The following MDN1 variants were observed in gnomAD, a reference collection of about 807,000 sequenced individuals.
MDN1 encodes the protein midasin AAA ATPase 1.
In MDN1, 266 loss-of-function variants were observed where a neutral mutation model predicts 669.2. The observed-to-expected ratio is 0.40, with a 90% CI of 0.36 to 0.44. MDN1 has a LOEUF of 0.44. MDN1 is among the 20% of genes least tolerant of loss of function. The probability of loss-of-function intolerance (pLI) is 1.00; values close to 1 mark genes in which losing one functional copy is unlikely to be tolerated. For synonymous variants in MDN1, 2,385 were observed against 2,457.1 expected (o/e 0.97, Z 0.87); for missense variants, 5,940 against 6,754.0 (o/e 0.88, Z 4.22).
At position 89,776,006 on chromosome 6, in the gene MDN1, A is replaced by G. The variant is rs192104457; in HGVS notation, c.1821+594T>C. On this transcript the variant is annotated intron_variant, in intron 12 of 101. Coordinates refer to ENST00000369393, the MANE Select transcript of MDN1 (RefSeq NM_014611.3). Reference sequence around the variant, plus strand: ...ACTCAGTCTCTTGCCAATTTTTCTAATAAGGGAAAATAATAAAAAAGATGG... The same window carrying G: ...ACTCAGTCTCTTGCCAATTTTTCTAGTAAGGGAAAATAATAAAAAAGATGG... Among the ~76,000 whole-genome samples, 318 of 152,252 alleles carry G rather than the reference A, an allele frequency of 2.1e-3. 1 individual carries two copies. Among genetic ancestry groups the G allele is most frequent in the African/African-American group, 7.4e-3 (309 of 41,542 alleles).
intron 33 of MDN1, among the ~76,000 whole-genome samples, chr6:89,736,141 T>C (rs1481798819): frequency 6.6e-6 from 1 of 152,226 alleles, no homozygotes; most frequent in Admixed American, 6.5e-5. Flanking sequence ...TTCTAGAAAA[T>C]ATAACTGCTG....
At chr6:89,789,340 C>G (rs17506403) in intron 7 of MDN1, among the ~76,000 whole-genome samples, 16,864 of 152,168 alleles carry the variant, frequency 0.11, 1,043 homozygotes, top group South Asian at 0.16. Context: ...AAGGCAAGCA[C>G]ACTCTTATTA....
In MDN1 at chr6:89,787,906, G is replaced by T. The variant is rs772699418; in HGVS notation, c.1282C>A (p.Arg428=). The change falls in exon 8 of 102, where the codon CGA becomes AGA. Residue 428 remains arginine, a synonymous_variant. Transcript: ENST00000369393. The part of the protein sequence containing the change: ...LENGELLIPG[R]GDCLKVAPGF... The stretch of plus-strand genomic sequence containing the variant: ...GGTGCCACTTTCAGACAGTCACCTC[G>T]GCCAGGAATCAAGAGCTCTCCATTC... 1 of 1,613,620 alleles carries T rather than the reference G, an allele frequency of 6.2e-7. No individual in the cohort carries two copies. The highest frequency in any genetic ancestry group is 1.7e-5 in the Admixed American group (1 of 59,954).
chr6:89,675,323 C>G, intron 78 of MDN1, 141 bp downstream of exon 78: 3 of 679,406 alleles, frequency 4.4e-6, no homozygotes, highest in Non-Finnish European at 7.4e-6. Context: ...CTGGGAGAAA[C>G]CCTACCTGCC....
intron 19 of MDN1, among the ~76,000 whole-genome samples, 157 bp downstream of exon 19, chr6:89,758,098 C>T (rs1007920466): frequency 6.6e-6 from 1 of 151,832 alleles, no homozygotes; most frequent in Non-Finnish European, 1.5e-5. Flanking sequence ...CCCATAATCC[C>T]GGCTATTCAG....
chr6:89,647,620 T>C (rs559031931), intron 99 of MDN1, among the ~76,000 whole-genome samples: 1 of 152,298 alleles, frequency 6.6e-6, no homozygotes, highest in African/African-American at 2.4e-5. Context: ...ATTCCAGTGG[T>C]ACACAGGCTG....
chr6:89,817,274 C>T (rs926657913), intron 1 of MDN1, among the ~76,000 whole-genome samples: 5 of 152,196 alleles, frequency 3.3e-5, no homozygotes, highest in Non-Finnish European at 7.3e-5. Context: ...ACATTTAGCT[C>T]AGAATAAATC....
Position 89,718,538 on chromosome 6 carries a change from A to C in MDN1, c.6411T>G (p.Ala2137=), listed in dbSNP as rs758308032. ...ALLRDSLLIS[A]DDAEVVLRAW... ...CTCGCAGCACTACTTCTGCATCATC[A>C]GCACTGATAAGGAGGCTATCCCTTA... Residue 2137 remains alanine, a synonymous_variant, in exon 43 of 102, where the codon GCT becomes GCG. Transcript: ENST00000369393. 1.9e-6 allele frequency: 3 copies of C among 1,614,176 alleles called. No homozygotes were observed. The South Asian group carries it at 3.3e-5, about 18-fold the overall frequency.
In MDN1 at chr6:89,743,563, C is replaced by T; in HGVS notation, c.4317+13G>A. On this transcript the variant is annotated intron_variant, in intron 30 of 101. Coordinates refer to ENST00000369393, the MANE Select transcript of MDN1 (RefSeq NM_014611.3). ...TTTTTTAAAATAACAGGAACACTTG[C>T]TGCTGGACAAACCTTGTCGTTTGGC... 6.2e-7 allele frequency: 1 copy of T among 1,610,916 alleles called. No homozygotes were observed.
chr6:89,668,198 T>C lies in MDN1; in HGVS notation c.13957-47A>G, dbSNP rs143145543. On this transcript the variant is annotated intron_variant, in intron 83 of 101. Transcript: ENST00000369393. The stretch of plus-strand genomic sequence containing the variant: ...GTGAACAATTAGGCACAAAAGCAAT[T>C]TTAAAAGGAGATTTCATTCTTGCCA... 7.0e-5 allele frequency: 113 copies of C among 1,604,412 alleles called. No homozygotes were observed. In the African/African-American group the frequency reaches 1.2e-3, roughly 17 times the overall value.
chr6:89,780,854 T>A (rs1818633577), intron 10 of MDN1, among the ~76,000 whole-genome samples: 1 of 151,068 alleles, frequency 6.6e-6, no homozygotes, highest in Non-Finnish European at 1.5e-5. Context: ...TTTCACCATG[T>A]TGGCCAGGAT....
rs900623517 is a variant in MDN1, at chr6:89,662,722, A to C, written c.14412+70T>G. The C allele has an allele frequency of 4.8e-5, 72 of 1,492,134 alleles. No homozygotes were observed. In the African/African-American group the frequency reaches 7.9e-4, roughly 16 times the overall value. The allele number at this position is 1,492,134 out of a possible 1,614,324, so 92.4% of individuals were successfully genotyped here. ...CAGAAAAAGAAGAGAAGTAAATGAC[A>C]GAGAATGGTAGGTTGTGGGCAGATT... On this transcript the variant is annotated intron_variant, in intron 86 of 101. Coordinates refer to ENST00000369393, the MANE Select transcript of MDN1 (RefSeq NM_014611.3).
Position 89,677,711 on chromosome 6 carries a change from G to A in MDN1, c.12413-15C>T. The A allele has an allele frequency of 6.2e-7, 1 of 1,613,836 alleles. No individual in the cohort carries two copies. The highest frequency in any genetic ancestry group is 8.5e-7 in the Non-Finnish European group (1 of 1,179,870). On this transcript the variant is annotated splice_polypyrimidine_tract_variant and intron_variant, in intron 75 of 101. Coordinates refer to ENST00000369393, the MANE Select transcript of MDN1 (RefSeq NM_014611.3). Reference sequence around the variant, plus strand: ...ATACGACAAACCTAGGAAATAAACAGCATTTCTTTAAGCAAAGATGCTTAG... The same window carrying A: ...ATACGACAAACCTAGGAAATAAACAACATTTCTTTAAGCAAAGATGCTTAG...
intron 1 of MDN1, 127 bp from the exon 2 acceptor site, chr6:89,803,681 A>C: frequency 1.4e-6 from 1 of 704,666 alleles, no homozygotes. Context: ...TCCCGGGTTC[A>C]TGCCATTCTC....
At chr6:89,733,399 G>C (rs1358962973) in intron 33 of MDN1, among the ~76,000 whole-genome samples, 1 of 151,798 alleles carries the variant, frequency 6.6e-6, no homozygotes, top group Non-Finnish European at 1.5e-5. Context: ...TAGATTCAAA[G>C]TAATCCCAAT....
Position 89,714,747 on chromosome 6 carries a change from A to G in MDN1, c.6865T>C (p.Phe2289Leu), listed in dbSNP as rs762153276. The change falls in exon 46 of 102, where the codon TTC becomes CTC. Residue 2289 changes from phenylalanine to leucine, a missense_variant. Transcript: ENST00000369393. Reference protein sequence around the residue: ...TITPNPNFRLFLSMDPVHGDI... With the variant: ...TITPNPNFRLLLSMDPVHGDI... ...CCATGAACAGGATCCATCGAGAGGAAAAGTCTAGAAAAATAGCAATTCAAA... is the reference window on the plus strand; with the variant it reads ...CCATGAACAGGATCCATCGAGAGGAGAAGTCTAGAAAAATAGCAATTCAAA... The G allele has an allele frequency of 1.1e-5, 18 of 1,605,318 alleles. No homozygotes were observed. Among genetic ancestry groups the G allele is most frequent in the Admixed American group, 3.5e-5 (2 of 57,526 alleles).
chr6:89,683,478 T>C (rs1184500001), intron 72 of MDN1, 148 bp from the exon 73 acceptor site: 1 of 699,062 alleles, frequency 1.4e-6, no homozygotes, highest in African/African-American at 1.8e-5. Context: ...AATAGTTGTT[T>C]TATTTTTAAG....
At chr6:89,713,345 C>G (rs774896922) in intron 46 of MDN1, 49 bp from the exon 47 acceptor site, 5 of 1,496,320 alleles carry the variant, frequency 3.3e-6, no homozygotes, top group Non-Finnish European at 4.5e-6. Flanking sequence ...TTTAAAATCT[C>G]CAATGAAAAT....
rs754133738 is a variant in MDN1 at position 89,700,830 on chromosome 6, T to C, written c.8454A>G (p.Ser2818=). 1 of 1,614,154 alleles carries C rather than the reference T, an allele frequency of 6.2e-7. No homozygotes were observed. Among genetic ancestry groups the C allele is most frequent in the East Asian group, 2.2e-5 (1 of 44,882 alleles). Residue 2818 remains serine, a synonymous_variant, in exon 56 of 102, where the codon TCA becomes TCG. Coordinates refer to ENST00000369393, the MANE Select transcript of MDN1 (RefSeq NM_014611.3). ...GGACTTTGTTAAGGACCTTCAGTTG[T>C]GAAAAACACTCCACCACCAGCTTGT... ...FKDKLVVECF[S]QLKVLNKVLA...
Sources: gnomAD v4.1 joint callset for allele counts (sites outside exome capture counted in the v4.1 genomes callset) on GRCh38, gnomAD v4.1.1 for gene constraint, MANE v1.5 for transcripts, NCBI Gene and HGNC (gene_info 2026-07-23, HGNC 2026-07-21) for gene names.